DTD1: variants seen among roughly 807,000 people sequenced by gnomAD.
DTD1 encodes D-tyrosyl-tRNA deacylase 1 homolog.
Under a neutral mutation model 25.6 loss-of-function variants are expected in DTD1, and 13 were observed. The observed-to-expected ratio is 0.51, with a 90% CI of 0.33 to 0.81. DTD1 has a LOEUF of 0.81. Among genes scored for constraint, DTD1 ranks in the 30% least tolerant of loss-of-function variants. DTD1 has a pLI of 0.02. For synonymous variants in DTD1, 110 were observed against 103.6 expected (o/e 1.06, Z -0.37); for missense variants, 193 against 266.4 (o/e 0.72, Z 1.92).
chr20:18,591,122 A>G (rs1426259773), intron 1 of DTD1, among the ~76,000 whole-genome samples: 2 of 152,124 alleles, frequency 1.3e-5, no homozygotes, highest in Non-Finnish European at 2.9e-5. Context: ...TTGGTGATCC[A>G]TTTACTTATA....
chr20:18,600,663 T>A (rs2060630130), intron 3 of DTD1, among the ~76,000 whole-genome samples: 1 of 152,206 alleles, frequency 6.6e-6, no homozygotes, highest in South Asian at 2.1e-4. Context: ...TAGATTGGGA[T>A]TGCATTGAGT....
At chr20:18,726,812 G>A (rs922435483) in intron 4 of DTD1, among the ~76,000 whole-genome samples, 1 of 152,120 alleles carries the variant, frequency 6.6e-6, no homozygotes, top group Admixed American at 6.5e-5. Context: ...TTGTACTTTT[G>A]CTCACAGTCC....
At chr20:18,712,566 C>A (rs2122480001) in intron 4 of DTD1, among the ~76,000 whole-genome samples, 1 of 152,246 alleles carries the variant, frequency 6.6e-6, no homozygotes, top group South Asian at 2.1e-4. Context: ...GACCCGAGAT[C>A]CCATATGAAA....
In DTD1 at chr20:18,765,963, A is replaced by G. The variant is rs898533217; in HGVS notation, c.*2623A>G. 2.6e-5 allele frequency: 4 copies of G among 152,254 alleles called. No individual in the cohort carries two copies. The highest frequency in any genetic ancestry group is 6.5e-5 in the Admixed American group (1 of 15,278). The allele number at this position is 152,254 out of a possible 1,614,324, so 9.4% of individuals were successfully genotyped here. ...CAGAGTGCTGTGCCGATAACACTGC[A>G]TAGCAGGACCCATTTAATCTTGCCT... is the stretch of plus-strand genomic sequence containing the variant. On this transcript the variant is annotated 3_prime_UTR_variant, in exon 6 of 6. Coordinates refer to ENST00000377452, the MANE Select transcript of DTD1 (RefSeq NM_080820.6).
chr20:18,731,924 C>T (rs936630447), intron 4 of DTD1, among the ~76,000 whole-genome samples: 5 of 152,156 alleles, frequency 3.3e-5, no homozygotes, highest in Admixed American at 6.5e-5. Flanking sequence ...CCCAGGCCTT[C>T]GCTCCAGTGC....
At chr20:18,611,651 A>G (rs980178474) in intron 3 of DTD1, among the ~76,000 whole-genome samples, 1 of 151,956 alleles carries the variant, frequency 6.6e-6, no homozygotes, top group African/African-American at 2.4e-5. Context: ...GGTTAGGGAC[A>G]TTTCCTCATC....
intron 4 of DTD1, among the ~76,000 whole-genome samples, chr20:18,683,924 T>G (rs2061006764): frequency 6.6e-6 from 1 of 152,034 alleles, no homozygotes; most frequent in African/African-American, 2.4e-5. Flanking sequence ...GTAACTATGG[T>G]TTTTTTCCCC....
intron 4 of DTD1, among the ~76,000 whole-genome samples, chr20:18,733,333 A>G (rs1460452504): frequency 6.6e-6 from 1 of 152,184 alleles, no homozygotes; most frequent in Non-Finnish European, 1.5e-5. Context: ...CTTAAGCAGA[A>G]AGGGGCAGGT....
At chr20:18,588,883 G>A (rs111895515) in intron 1 of DTD1, 5 of 984,752 alleles carry the variant, frequency 5.1e-6, no homozygotes, top group Non-Finnish European at 6.0e-6. Context: ...AGAAAACCAC[G>A]GTACGAAAGA....
At chr20:18,741,387 G>A (rs1001780975) in intron 4 of DTD1, among the ~76,000 whole-genome samples, 8 of 152,164 alleles carry the variant, frequency 5.3e-5, no homozygotes, top group Non-Finnish European at 1.2e-4. Context: ...ATTCTGACAC[G>A]AGCATCTTAC....
intron 5 of DTD1, among the ~76,000 whole-genome samples, chr20:18,753,339 G>T (rs1461776781): frequency 6.6e-6 from 1 of 152,084 alleles, no homozygotes; most frequent in Non-Finnish European, 1.5e-5. Context: ...TGGGTGTGGT[G>T]GCTTATGCCT....
intron 4 of DTD1, among the ~76,000 whole-genome samples, chr20:18,633,909 T>C (rs769097374): frequency 1.3e-5 from 2 of 152,206 alleles, no homozygotes; most frequent in Non-Finnish European, 2.9e-5. Flanking sequence ...CCATGCAGCA[T>C]ACCCATCACA....
chr20:18,596,413 G>A (rs1267139469), intron 3 of DTD1, among the ~76,000 whole-genome samples, 172 bp downstream of exon 3: 1 of 152,196 alleles, frequency 6.6e-6, no homozygotes, highest in Non-Finnish European at 1.5e-5. Context: ...CTTAACACAT[G>A]TCCTCAGAAT....
At chr20:18,709,807 A>G (rs1360470944) in intron 4 of DTD1, among the ~76,000 whole-genome samples, 1 of 152,184 alleles carries the variant, frequency 6.6e-6, no homozygotes, top group African/African-American at 2.4e-5. Flanking sequence ...GGACATTCCA[A>G]CTTACCTTCA....
chr20:18,676,546 T>A (rs6045557), intron 4 of DTD1, among the ~76,000 whole-genome samples: 21,965 of 152,132 alleles, frequency 0.14, 1,698 homozygotes, highest in Admixed American at 0.2. Flanking sequence ...CTCCACCCCG[T>A]GGTGTAGCCA....
intron 4 of DTD1, among the ~76,000 whole-genome samples, chr20:18,714,703 T>C (rs1214039072): frequency 6.6e-6 from 1 of 152,160 alleles, no homozygotes; most frequent in Non-Finnish European, 1.5e-5. Context: ...GCCTCTTCTC[T>C]TGGTGTCTTT....
chr20:18,589,004 T>A, intron 1 of DTD1: 1 of 544,336 alleles, frequency 1.8e-6, no homozygotes. Flanking sequence ...TATCCTGTCC[T>A]TGGAGCCAGT....
chr20:18,740,185 T>C (rs556921896), intron 4 of DTD1, among the ~76,000 whole-genome samples: 23 of 152,236 alleles, frequency 1.5e-4, no homozygotes, highest in African/African-American at 5.3e-4. Context: ...TGGATCTGGT[T>C]CTCAATAGCA....
At chr20:18,635,536 G>A (rs1253578216) in intron 4 of DTD1, among the ~76,000 whole-genome samples, 1 of 149,374 alleles carries the variant, frequency 6.7e-6, no homozygotes. Flanking sequence ...TAGAGATGGT[G>A]GAGCTCCTGA....
Sources: gnomAD v4.1 joint callset for allele counts (sites outside exome capture counted in the v4.1 genomes callset) on GRCh38, gnomAD v4.1.1 for gene constraint, MANE v1.5 for transcripts, NCBI Gene and HGNC (gene_info 2026-07-23, HGNC 2026-07-21) for gene names.